Variants in ADAMTS6 observed in about 807,000 individuals in gnomAD.
ADAMTS6 encodes A disintegrin and metalloproteinase with thrombospondin motifs 6.
In ADAMTS6, 23 loss-of-function variants were observed where a neutral mutation model predicts 144.3. The observed-to-expected ratio is 0.16, with a 90% CI of 0.11 to 0.23. ADAMTS6 has a LOEUF of 0.23. Ranked by LOEUF, ADAMTS6 falls within the 10% of genes least tolerant of loss-of-function variation. ADAMTS6 has a pLI of 1.00. For missense variants in ADAMTS6, 999 were observed against 1,379.6 expected (o/e 0.72, Z 4.37); for synonymous variants, 444 against 457.5 (o/e 0.97, Z 0.38).
At chr5:65,454,621 T>C (rs559268070) in intron 4 of ADAMTS6, among the ~76,000 whole-genome samples, 42 of 152,336 alleles carry the variant, frequency 2.8e-4, no homozygotes, top group Non-Finnish European at 5.3e-4. Flanking sequence ...GATGATGAGA[T>C]GCATGTGATT....
intron 22 of ADAMTS6, among the ~76,000 whole-genome samples, chr5:65,180,623 T>A (rs1313047340): frequency 6.6e-6 from 1 of 152,278 alleles, no homozygotes. Context: ...TTCCTCCTCT[T>A]GCCTCACTCA....
chr5:65,239,881 C>A (rs1173939661), intron 15 of ADAMTS6, among the ~76,000 whole-genome samples: 1 of 152,124 alleles, frequency 6.6e-6, no homozygotes, highest in African/African-American at 2.4e-5. Context: ...AAATAGAACC[C>A]TCAGACATTG....
intron 3 of ADAMTS6, among the ~76,000 whole-genome samples, chr5:65,467,801 T>C (rs943964503): frequency 1.3e-5 from 2 of 152,128 alleles, no homozygotes; most frequent in Non-Finnish European, 2.9e-5. Flanking sequence ...AAACCAGGAA[T>C]GTAAACTCAG....
At position 65,329,358 on chromosome 5, in the gene ADAMTS6, A is replaced by G; in HGVS notation, c.1223+20T>C. On this transcript the variant is annotated intron_variant, in intron 9 of 24. Transcript: ENST00000381055. ...GAGCAGAGTTCTAAAATTTATTTTG[A>G]TTTTCTTAAACTCACTCACTTGTGA... 1 of 1,607,624 alleles carries G rather than the reference A, an allele frequency of 6.2e-7. No homozygotes were observed. Among genetic ancestry groups the G allele is most frequent in the Non-Finnish European group, 8.5e-7 (1 of 1,176,640 alleles).
At position 65,470,882 on chromosome 5, in the gene ADAMTS6, C is replaced by T. The variant is rs1300137174; in HGVS notation, c.358G>A (p.Gly120Arg). 6.2e-7 allele frequency: 1 copy of T among 1,609,872 alleles called. No homozygotes were observed. The highest frequency in any genetic ancestry group is 8.5e-7 in the Non-Finnish European group (1 of 1,178,930). ...AAAAAATCATGTTTCCACTGGGGTCCATCTTTCCCCCAATATTCTACTGTA... is the reference window on the plus strand; with the variant it reads ...AAAAAATCATGTTTCCACTGGGGTCTATCTTTCCCCCAATATTCTACTGTA... ...HFTVEYWGKD[G>R]PQWKHDFLDN... Residue 120 changes from glycine to arginine, a missense_variant, in exon 3 of 25, where the codon GGA becomes AGA. Around this residue, in one of 3 missense-constraint regions of ADAMTS6, gnomAD observed 252 missense variants for 293.7 expected, o/e 0.86. Coordinates refer to ENST00000381055, the MANE Select transcript of ADAMTS6 (RefSeq NM_197941.4).
At chr5:65,224,602 A>G (rs1017046132) in intron 17 of ADAMTS6, among the ~76,000 whole-genome samples, 3 of 152,214 alleles carry the variant, frequency 2.0e-5, no homozygotes, top group African/African-American at 7.2e-5. Flanking sequence ...TTTCTCTAAA[A>G]TTATCTCAAG....
rs75575630 is a variant in ADAMTS6, at chr5:65,402,334, T to A, written c.1073+49141A>T. Among the ~76,000 whole-genome samples the A allele has an allele frequency of 5.4e-3, 817 of 152,188 alleles. 6 individuals carry two copies. Among genetic ancestry groups the A allele is most frequent in the African/African-American group, 0.019 (788 of 41,530 alleles). On this transcript the variant is annotated intron_variant, in intron 7 of 24. Coordinates refer to ENST00000381055, the MANE Select transcript of ADAMTS6 (RefSeq NM_197941.4). ...TATCCTGCACTTCTACCCAACCAGA[T>A]GAATGTGACTGAAGACAAAATATAA...
At position 65,214,855 on chromosome 5, in the gene ADAMTS6, A is replaced by G. The variant is rs756059375; in HGVS notation, c.2514T>C (p.Asn838=). 11 of 1,614,174 alleles carry G rather than the reference A, an allele frequency of 6.8e-6. No individual in the cohort carries two copies. In the South Asian group the frequency reaches 1.2e-4, roughly 18 times the overall value. The change falls in exon 20 of 25, where the codon AAT becomes AAC. Residue 838 remains asparagine, a synonymous_variant. Transcript: ENST00000381055. This position sits in a 1 kb window ranked among gnomAD's most constrained non-coding sequence, Gnocchi z 4.6. The stretch of plus-strand genomic sequence containing the variant: ...GATGATTCCATGTAAAGCCAACTTC[A>G]TTATCTCCACTGCCAGTTCGAGTGA... ...VPITRTGSGD[N]EVGFTWNHQP...
chr5:65,371,224 C>A (rs1750871965), intron 7 of ADAMTS6, among the ~76,000 whole-genome samples: 2 of 152,216 alleles, frequency 1.3e-5, no homozygotes, highest in Non-Finnish European at 2.9e-5. Flanking sequence ...CTCTCCTCCT[C>A]CAAAGGAATG....
intron 1 of ADAMTS6, among the ~76,000 whole-genome samples, chr5:65,477,067 T>C (rs1300523337): frequency 6.6e-6 from 1 of 152,222 alleles, no homozygotes; most frequent in Non-Finnish European, 1.5e-5. Context: ...GATTAAGTTA[T>C]ACCATTATTC....
At chr5:65,241,165 T>G (rs888059077) in intron 15 of ADAMTS6, among the ~76,000 whole-genome samples, 3 of 152,062 alleles carry the variant, frequency 2.0e-5, no homozygotes, top group African/African-American at 7.2e-5. Context: ...ACTATAAAAT[T>G]CTGTTAATAT....
Position 65,261,624 on chromosome 5 carries a change from C to T in ADAMTS6, c.1767-961G>A, listed in dbSNP as rs534282919. 2.6e-5 allele frequency among the ~76,000 whole-genome samples: 4 copies of T among 152,232 alleles called. No homozygotes were observed. In the South Asian group the frequency reaches 8.3e-4, roughly 32 times the overall value. On this transcript the variant is annotated intron_variant, in intron 13 of 24. Coordinates refer to ENST00000381055, the MANE Select transcript of ADAMTS6 (RefSeq NM_197941.4). The stretch of plus-strand genomic sequence containing the variant: ...AATATATTTTGAATGCCAGTGAATG[C>T]TGACTCTAAGTAAGGAAGGGAAATG...
At chr5:65,155,231 A>G (rs913543744) in intron 24 of ADAMTS6, among the ~76,000 whole-genome samples, 1 of 152,170 alleles carries the variant, frequency 6.6e-6, no homozygotes, top group African/African-American at 2.4e-5. Flanking sequence ...ACATAAACAT[A>G]TATTATATAT....
rs148483934 is a variant in ADAMTS6, at chr5:65,307,508, C to T, written c.1224-7377G>A. On this transcript the variant is annotated intron_variant, in intron 9 of 24. Coordinates refer to ENST00000381055, the MANE Select transcript of ADAMTS6 (RefSeq NM_197941.4). Reference sequence around the variant, plus strand: ...TTATAAAACGTAGGATCCAGAGGATCTGCCATGAATTCCATTTTCACTATG... The same window carrying T: ...TTATAAAACGTAGGATCCAGAGGATTTGCCATGAATTCCATTTTCACTATG... 3.3e-3 allele frequency among the ~76,000 whole-genome samples: 508 copies of T among 152,296 alleles called. 1 individual carries two copies. Among genetic ancestry groups the T allele is most frequent in the African/African-American group, 0.012 (491 of 41,560 alleles).
At chr5:65,310,468 T>A (rs898045055) in intron 9 of ADAMTS6, among the ~76,000 whole-genome samples, 1 of 152,118 alleles carries the variant, frequency 6.6e-6, no homozygotes, top group African/African-American at 2.4e-5. Context: ...TGAGGCGAAG[T>A]TAGCTGTGTT....
chr5:65,294,538 G>A (rs1742645755), intron 10 of ADAMTS6, among the ~76,000 whole-genome samples: 1 of 152,158 alleles, frequency 6.6e-6, no homozygotes, highest in African/African-American at 2.4e-5. Flanking sequence ...TAAGGGTTAA[G>A]CAAGAAAAAT....
chr5:65,242,301 C>CAAGG (rs1759258796), intron 14 of ADAMTS6, 95 bp from the exon 15 acceptor site: 1 of 743,822 alleles, frequency 1.3e-6, no homozygotes, highest in African/African-American at 1.7e-5. Context: ...AATTAACTCA[C>CAAGG]TACCTTATTC....
chr5:65,371,044 C>T (rs1269602225), intron 7 of ADAMTS6, among the ~76,000 whole-genome samples: 1 of 152,152 alleles, frequency 6.6e-6, no homozygotes, highest in African/African-American at 2.4e-5. Flanking sequence ...GGTACTCCAA[C>T]AGACCTGCAG....
chr5:65,357,218 G>T (rs985566625), intron 7 of ADAMTS6, among the ~76,000 whole-genome samples: 1 of 151,682 alleles, frequency 6.6e-6, no homozygotes, highest in Non-Finnish European at 1.5e-5. Flanking sequence ...CCACCAATGG[G>T]TCAAAAAAGA....
Sources: allele counts gnomAD v4.1 joint callset (sites outside exome capture counted in the v4.1 genomes callset), GRCh38; gene constraint gnomAD v4.1.1; regional missense constraint gnomAD v4.1.1; non-coding constraint Gnocchi (gnomAD v3.1); transcripts MANE v1.5; gene names NCBI Gene and HGNC (gene_info 2026-07-23, HGNC 2026-07-21).